Variants in FSHR observed in about 807,000 individuals in gnomAD.
FSHR encodes follicle-stimulating hormone receptor.
FSHR carries 46 observed loss-of-function variants against 52.1 expected under a neutral mutation model. The ratio of observed to expected loss-of-function variants is 0.88; its 90% CI spans 0.70 to 1.13. The LOEUF (loss-of-function observed/expected upper bound fraction) is 1.13. Among genes scored for constraint, FSHR ranks in the 50% most tolerant of loss-of-function variants. The pLI, the probability that FSHR is intolerant of heterozygous loss-of-function variation, is 0.00. For synonymous variants in FSHR, 399 were observed against 309.6 expected (o/e 1.29, Z -3.03); for missense variants, 964 against 834.6 (o/e 1.16, Z -1.91).
At chr2:49,052,346 A>G (rs967206014) in intron 2 of FSHR, among the ~76,000 whole-genome samples, 2 of 151,996 alleles carry the variant, frequency 1.3e-5, no homozygotes, top group Non-Finnish European at 2.9e-5. Context: ...CTTTAGCTAC[A>G]ACATGTAGAT....
chr2:49,023,628 C>G (rs1667818647), intron 2 of FSHR, among the ~76,000 whole-genome samples: 1 of 152,114 alleles, frequency 6.6e-6, no homozygotes, highest in South Asian at 2.1e-4. Flanking sequence ...TTATCCGTGC[C>G]TCTCTGGGTC....
chr2:48,996,007 T>C (rs1202244306), intron 4 of FSHR, among the ~76,000 whole-genome samples: 2 of 152,010 alleles, frequency 1.3e-5, no homozygotes, highest in Non-Finnish European at 2.9e-5. Context: ...CAAATTTGAT[T>C]AAGAGAGAGG....
intron 1 of FSHR, among the ~76,000 whole-genome samples, chr2:49,081,664 A>C (rs902339893): frequency 6.6e-6 from 1 of 152,290 alleles, no homozygotes; most frequent in Non-Finnish European, 1.5e-5. Flanking sequence ...CACTAAAAAA[A>C]ATTTTTTTGT....
chr2:49,041,526 G>A (rs1193148262), intron 2 of FSHR, among the ~76,000 whole-genome samples: 4 of 152,162 alleles, frequency 2.6e-5, no homozygotes, highest in Non-Finnish European at 5.9e-5. Flanking sequence ...AGATTTCCAA[G>A]CTGTATGAAG....
intron 4 of FSHR, among the ~76,000 whole-genome samples, chr2:49,002,836 G>T (rs187303978): frequency 2.0e-5 from 3 of 152,182 alleles, no homozygotes; most frequent in Admixed American, 1.3e-4. Context: ...TGGGTCTTTG[G>T]ATCTCCTGTA....
At chr2:48,991,619 G>T (rs1675783755) in intron 4 of FSHR, among the ~76,000 whole-genome samples, 1 of 152,202 alleles carries the variant, frequency 6.6e-6, no homozygotes, top group Non-Finnish European at 1.5e-5. Flanking sequence ...AGTGAGAGGT[G>T]TACAAGGCTA....
intron 1 of FSHR, among the ~76,000 whole-genome samples, chr2:49,109,756 A>G (rs982982555): frequency 6.6e-6 from 1 of 152,156 alleles, no homozygotes; most frequent in Non-Finnish European, 1.5e-5. Context: ...TTTTTCCTTT[A>G]TGCCATTATG....
chr2:48,997,897 C>T (rs1052333937), intron 4 of FSHR, among the ~76,000 whole-genome samples: 5 of 152,102 alleles, frequency 3.3e-5, no homozygotes, highest in African/African-American at 1.2e-4. Flanking sequence ...CTGCTGAGAA[C>T]ATTGGAAGTC....
chr2:49,127,832 C>CTTTTTTTT (rs1558456700), intron 1 of FSHR, among the ~76,000 whole-genome samples: 2 of 7,936 alleles, frequency 2.5e-4, no homozygotes, highest in Non-Finnish European at 1.9e-4. Flanking sequence ...TCTTCTTCCT[C>CTTTTTTTT]TTCTTCTTCT....
intron 3 of FSHR, among the ~76,000 whole-genome samples, chr2:49,019,380 G>C (rs1667612247): frequency 6.6e-6 from 1 of 151,994 alleles, no homozygotes; most frequent in African/African-American, 2.4e-5. Flanking sequence ...GTCTCTTCTG[G>C]CTTTGACATT....
At chr2:48,965,419 A>G (rs1420181406) in intron 9 of FSHR, among the ~76,000 whole-genome samples, 1 of 152,158 alleles carries the variant, frequency 6.6e-6, no homozygotes, top group Non-Finnish European at 1.5e-5. Context: ...CAGAATTGAA[A>G]GTGAATGGAA....
intron 1 of FSHR, 74 bp from the exon 2 acceptor site, chr2:49,068,364 C>T: frequency 8.1e-7 from 1 of 1,236,470 alleles, no homozygotes; most frequent in Non-Finnish European, 1.2e-6. Context: ...GTATTCATAT[C>T]AGCAAACAGT....
At chr2:49,092,857 G>T (rs955697477) in intron 1 of FSHR, among the ~76,000 whole-genome samples, 1 of 151,944 alleles carries the variant, frequency 6.6e-6, no homozygotes, top group Admixed American at 6.6e-5. Flanking sequence ...GTAGAGATGG[G>T]GTTTCACCAT....
At chr2:49,117,344 G>A (rs1227793648) in intron 1 of FSHR, among the ~76,000 whole-genome samples, 1 of 152,120 alleles carries the variant, frequency 6.6e-6, no homozygotes, top group Non-Finnish European at 1.5e-5. Context: ...TCTAGTGAAT[G>A]GGACATATCA....
chr2:49,097,862 G>C (rs957131305), intron 1 of FSHR, among the ~76,000 whole-genome samples: 3 of 152,050 alleles, frequency 2.0e-5, no homozygotes, highest in Non-Finnish European at 4.4e-5. Flanking sequence ...TAATAGAGAA[G>C]AAATTTAGTT....
chr2:48,996,388 A>T (rs1377850836), intron 4 of FSHR, among the ~76,000 whole-genome samples: 2 of 152,100 alleles, frequency 1.3e-5, no homozygotes, highest in Non-Finnish European at 2.9e-5. Flanking sequence ...GCCCCATGGG[A>T]AATTCAGGGT....
intron 2 of FSHR, among the ~76,000 whole-genome samples, chr2:49,029,290 T>A (rs1668019276): frequency 6.6e-6 from 1 of 152,230 alleles, no homozygotes; most frequent in Admixed American, 6.5e-5. Context: ...GGCCCTTGGC[T>A]GTTTTATTCC....
At chr2:49,107,357 C>G (rs1671263947) in intron 1 of FSHR, among the ~76,000 whole-genome samples, 1 of 152,072 alleles carries the variant, frequency 6.6e-6, no homozygotes, top group East Asian at 1.9e-4. Context: ...TTAGGCTCTG[C>G]TAAGATCACC....
chr2:49,016,437 G>T (rs998098960), intron 4 of FSHR, among the ~76,000 whole-genome samples: 1 of 152,122 alleles, frequency 6.6e-6, no homozygotes, highest in Non-Finnish European at 1.5e-5. Context: ...TAAGATGCTT[G>T]CAGTCTTCAG....
Sources: allele counts gnomAD v4.1 joint callset (sites outside exome capture counted in the v4.1 genomes callset), GRCh38; gene constraint gnomAD v4.1.1; transcripts MANE v1.5; gene names NCBI Gene and HGNC (gene_info 2026-07-23, HGNC 2026-07-21).